Variants in TNRC18 observed in about 807,000 individuals in gnomAD.
TNRC18 encodes trinucleotide repeat-containing gene 18 protein.
In TNRC18, 69 loss-of-function variants were observed where a neutral mutation model predicts 226.7. The observed-to-expected ratio is 0.30, with a 90% CI of 0.25 to 0.37. TNRC18 has a LOEUF of 0.37. Among genes scored for constraint, TNRC18 ranks in the 10% least tolerant of loss-of-function variants. TNRC18 has a pLI of 1.00. For missense variants in TNRC18, 4,754 were observed against 4,256.6 expected (o/e 1.12, Z -3.25); for synonymous variants, 2,449 against 1,927.6 (o/e 1.27, Z -7.09).
intron 19 of TNRC18, among the ~76,000 whole-genome samples, chr7:5,327,375 G>A (rs1273488655): frequency 8.9e-5 from 2 of 22,524 alleles, no homozygotes; most frequent in Non-Finnish European, 1.8e-4. Flanking sequence ...GTTTGTGCGT[G>A]TGTGTGTGTG....
rs758857377 is a variant in TNRC18, at chr7:5,389,226, A to G, written c.598T>C (p.Ser200Pro). The G allele has an allele frequency of 7.5e-7, 1 of 1,336,664 alleles. No homozygotes were observed. The highest frequency in any genetic ancestry group is 1.5e-5 in the African/African-American group (1 of 64,908). The allele number at this position is 1,336,664 out of a possible 1,614,324, so 82.8% of individuals were successfully genotyped here. ...TCCTTGGCTGGACCGTCCCGCGACG[A>G]CGAGCCTTTGGCCGGGGCGCCCGAG... ...HSSGAPAKGS[S>P]SRDGPAKERA... The change falls in exon 5 of 30, where the codon TCG becomes CCG. Residue 200 changes from serine to proline, a missense_variant. Ser to Pro is a moderately conservative substitution (Grantham distance 74). Coordinates refer to ENST00000430969, the MANE Select transcript of TNRC18 (RefSeq NM_001080495.3).
chr7:5,420,918 C>T (rs1430142059), intron 2 of TNRC18, 142 bp downstream of exon 2: 1 of 1,037,470 alleles, frequency 9.6e-7, no homozygotes, highest in Non-Finnish European at 1.5e-6. Flanking sequence ...AGTTTCCCAG[C>T]CCTGGGAGCC....
intron 18 of TNRC18, among the ~76,000 whole-genome samples, chr7:5,338,927 A>T (rs1451575468): frequency 1.2e-5 from 1 of 85,330 alleles, no homozygotes; most frequent in African/African-American, 6.7e-5. Context: ...TCTCAAAAGG[A>T]AAAAAAAAAA....
intron 5 of TNRC18, among the ~76,000 whole-genome samples, chr7:5,384,794 G>A (rs1385037237): frequency 5.9e-5 from 9 of 152,350 alleles, no homozygotes; most frequent in Admixed American, 3.9e-4. Flanking sequence ...CCCAGAATAA[G>A]GCAGGTTCTC....
At chr7:5,378,742 A>G (rs1456826795) in intron 5 of TNRC18, among the ~76,000 whole-genome samples, 1 of 152,070 alleles carries the variant, frequency 6.6e-6, no homozygotes. Flanking sequence ...AATGACGGGA[A>G]GGCAGATTCT....
chr7:5,332,468 G>C (rs916457197), intron 19 of TNRC18, among the ~76,000 whole-genome samples, 154 bp downstream of exon 19: 1 of 152,172 alleles, frequency 6.6e-6, no homozygotes, highest in African/African-American at 2.4e-5. Flanking sequence ...CTCCTGCTGT[G>C]GCTAAGTCCT....
At chr7:5,414,488 C>A (rs1330477571) in intron 2 of TNRC18, among the ~76,000 whole-genome samples, 2 of 151,986 alleles carry the variant, frequency 1.3e-5, no homozygotes, top group African/African-American at 4.8e-5. Flanking sequence ...TCTCGGCTCA[C>A]TGCAAACTCC....
In TNRC18 at chr7:5,370,306, C is replaced by T. The variant is rs58182076; in HGVS notation, c.4219+69G>A. 746,405 of 1,477,542 alleles carry T rather than the reference C, an allele frequency of 0.51. 190,559 individuals are homozygous for T. Among genetic ancestry groups the T allele is most frequent in the South Asian group, 0.6 (44,477 of 74,578 alleles). The allele number at this position is 1,477,542 out of a possible 1,614,324, so 91.5% of individuals were successfully genotyped here. A position where few individuals can be genotyped will look rare whatever the true frequency, so the allele number is the denominator to read the frequency against. On this transcript the variant is annotated intron_variant, in intron 11 of 29. Transcript: ENST00000430969. ...CCACTGCACTCCAGCCTGGGCAACA[C>T]AGCAAGACCCCATCACCACAAAACT...
intron 14 of TNRC18, among the ~76,000 whole-genome samples, chr7:5,359,958 G>A (rs1792858489): frequency 6.6e-6 from 1 of 151,786 alleles, no homozygotes; most frequent in Non-Finnish European, 1.5e-5. Flanking sequence ...TTTACACGAA[G>A]AAGGATTCCA....
rs1479887721 is a variant in TNRC18, at chr7:5,324,638, A to C, written c.6301-283T>G. Among the ~76,000 whole-genome samples the C allele has an allele frequency of 1.3e-5, 2 of 152,214 alleles. No individual in the cohort carries two copies. The highest frequency in any genetic ancestry group is 4.8e-5 in the African/African-American group (2 of 41,462). The stretch of plus-strand genomic sequence containing the variant: ...ACTCACTACCATACCTCAGTCCATC[A>C]CTATGGCAGGTGCCTCCGTTCCCTT... On this transcript the variant is annotated intron_variant, in intron 20 of 29. Coordinates refer to ENST00000430969, the MANE Select transcript of TNRC18 (RefSeq NM_001080495.3). This position sits in a 1 kb window ranked among gnomAD's most constrained non-coding sequence, Gnocchi z 4.8.
At chr7:5,352,165 T>C (rs1791898547) in intron 16 of TNRC18, 71 bp from the exon 17 acceptor site, 1 of 1,461,960 alleles carries the variant, frequency 6.8e-7, no homozygotes, top group Non-Finnish European at 9.1e-7. Flanking sequence ...TTATTGGTTT[T>C]AATGGTTCTG....
At chr7:5,391,913 G>C (rs11976441) in intron 3 of TNRC18, among the ~76,000 whole-genome samples, 3,756 of 151,082 alleles carry the variant, frequency 0.025, 171 homozygotes, top group African/African-American at 0.085. Context: ...AGGCAGGCAG[G>C]TGCTAGGGTG....
chr7:5,330,160 G>A (rs1789366965), intron 19 of TNRC18, among the ~76,000 whole-genome samples: 1 of 152,130 alleles, frequency 6.6e-6, no homozygotes, highest in Admixed American at 6.6e-5. Context: ...TTGAACTCCT[G>A]ACCTCAGGTG....
intron 24 of TNRC18, among the ~76,000 whole-genome samples, chr7:5,319,459 C>T (rs1331752684): frequency 6.6e-6 from 1 of 152,172 alleles, no homozygotes; most frequent in African/African-American, 2.4e-5. Flanking sequence ...TGTCTGATAT[C>T]CACACCTACA....
At chr7:5,400,475 T>A (rs1373573391) in intron 2 of TNRC18, among the ~76,000 whole-genome samples, 3 of 151,960 alleles carry the variant, frequency 2.0e-5, no homozygotes, top group African/African-American at 7.2e-5. Flanking sequence ...CCGGGCATGG[T>A]GTCGTGTCCC....
chr7:5,334,477 T>C (rs918564889), intron 18 of TNRC18, among the ~76,000 whole-genome samples: 1 of 150,312 alleles, frequency 6.7e-6, no homozygotes, highest in African/African-American at 2.5e-5. Context: ...TTTTTTTTTT[T>C]TAGTAGAGAC....
At chr7:5,350,059 T>C (rs1192638102) in intron 17 of TNRC18, among the ~76,000 whole-genome samples, 1 of 150,468 alleles carries the variant, frequency 6.6e-6, no homozygotes, top group Non-Finnish European at 1.5e-5. Context: ...GCAGGAGGGC[T>C]CAAAAACTTG....
intron 11 of TNRC18, among the ~76,000 whole-genome samples, chr7:5,363,773 C>T (rs1186862303): frequency 2.0e-5 from 3 of 151,974 alleles, no homozygotes; most frequent in African/African-American, 4.8e-5. Context: ...CTTATTTGTA[C>T]GTGCATTTTT....
At chr7:5,374,809 C>T (rs999505237) in intron 9 of TNRC18, among the ~76,000 whole-genome samples, 1 of 152,238 alleles carries the variant, frequency 6.6e-6, no homozygotes. Flanking sequence ...CAAGGGGGGC[C>T]AGATGGGGGG....
Sources: allele counts gnomAD v4.1 joint callset (sites outside exome capture counted in the v4.1 genomes callset), GRCh38; gene constraint gnomAD v4.1.1; non-coding constraint Gnocchi (gnomAD v3.1); transcripts MANE v1.5; gene names NCBI Gene and HGNC (gene_info 2026-07-23, HGNC 2026-07-21).